KRTAP1-4: variants seen among roughly 807,000 people sequenced by gnomAD.
KRTAP1-4 encodes keratin associated protein 1-4.
In KRTAP1-4, 5 loss-of-function variants were observed where a neutral mutation model predicts 8.6. The ratio of observed to expected loss-of-function variants is 0.58; its 90% CI spans 0.30 to 1.23. The LOEUF (loss-of-function observed/expected upper bound fraction) is 1.23, where lower values mean the gene tolerates loss of function less well. Among genes scored for constraint, KRTAP1-4 ranks in the 50% most tolerant of loss-of-function variants. The pLI is 0.07. For missense variants in KRTAP1-4, 157 were observed against 160.7 expected (o/e 0.98, Z 0.12); for synonymous variants, 50 against 58.9 (o/e 0.85, Z 0.69).
In KRTAP1-4 at chr17:41,029,951, C is replaced by G. The variant is rs771049257; in HGVS notation, c.128G>C (p.Gly43Ala). The change falls in exon 1 of 1, where the codon GGT (glycine) becomes GCT (alanine). Residue 43 changes from glycine to alanine, a missense_variant. By Grantham distance (60) the Gly-to-Ala change is moderately conservative. Transcript: ENST00000377747. The part of the protein sequence containing the change: ...SSCGTGCGIG[G>A]GIGYGQEGSG... ...GCCCTCCTGGCCATAGCCAATGCCA[C>G]CACCAATGCCACAGCCGGTTCCGCA... 1 of 1,610,316 alleles carries G rather than the reference C, an allele frequency of 6.2e-7. No homozygotes were observed. The highest frequency in any genetic ancestry group is 1.7e-5 in the Admixed American group (1 of 59,490).
Position 41,029,878 on chromosome 17 carries a change from G to A in KRTAP1-4, c.201C>T (p.Cys67=), listed in dbSNP as rs2012414476. 1.9e-6 allele frequency: 3 copies of A among 1,606,914 alleles called. No individual in the cohort carries two copies. The highest frequency in any genetic ancestry group is 2.0e-4 in the Middle Eastern group (1 of 4,958). Residue 67 remains cysteine, a synonymous_variant, in exon 1 of 1, where the codon TGC becomes TGT. Transcript: ENST00000377747. Reference sequence around the variant, plus strand: ...GGGGCAGGCAGGTGCCCTCCACGTGGCAATCTGGGTGGCACCACCTGATAC... The same window carrying A: ...GGGGCAGGCAGGTGCCCTCCACGTGACAATCTGGGTGGCACCACCTGATAC... ...STRIRWCHPD[C]HVEGTCLPPC...
Position 41,029,529 on chromosome 17 carries a change from G to A in KRTAP1-4, c.*184C>T, listed in dbSNP as rs527270779. 6.6e-6 allele frequency among the ~76,000 whole-genome samples: 1 copy of A among 152,340 alleles called. No homozygotes were observed. Among genetic ancestry groups the A allele is most frequent in the South Asian group, 2.1e-4 (1 of 4,830 alleles). On this transcript the variant is annotated 3_prime_UTR_variant, in exon 1 of 1. Coordinates refer to ENST00000377747, the MANE Select transcript of KRTAP1-4 (RefSeq NM_001257305.2). ...ACGCAAGCTATCCAGAACACTGATTGATACATCTTTCAGTAAGTGAATTCG... is the reference window on the plus strand; with the variant it reads ...ACGCAAGCTATCCAGAACACTGATTAATACATCTTTCAGTAAGTGAATTCG...
In KRTAP1-4 at chr17:41,029,839, T is replaced by C. The variant is rs779107139; in HGVS notation, c.240A>G (p.Val80=). The C allele has an allele frequency of 2.5e-6, 4 of 1,610,786 alleles. No homozygotes were observed. Among genetic ancestry groups the C allele is most frequent in the Middle Eastern group, 1.9e-4 (1 of 5,154 alleles). The change falls in exon 1 of 1, where the codon GTA becomes GTG. Residue 80 remains valine, a synonymous_variant. Transcript: ENST00000377747. ...GGCAGCAGGATGGGGGTGTGCAGCT[T>C]ACCAGGTAGCAGGGGGGCAGGCAGG... ...EGTCLPPCYL[V]SCTPPSCCQL...
chr17:41,030,115 G>A lies in KRTAP1-4; in HGVS notation c.-37C>T, dbSNP rs755605130. The A allele has an allele frequency of 1.4e-5, 22 of 1,556,700 alleles. No individual in the cohort carries two copies. In the African/African-American group the frequency reaches 2.5e-4, roughly 17 times the overall value. ...TTGGGTTGAGAGCTGTGTTAAGAGA[G>A]GTTTCTGAGTTTGGGCTGTACCTTC... On this transcript the variant is annotated 5_prime_UTR_variant, in exon 1 of 1. Transcript: ENST00000377747.
In KRTAP1-4 at chr17:41,029,824, T is replaced by C; in HGVS notation, c.255A>G (p.Pro85=). The C allele has an allele frequency of 6.2e-7, 1 of 1,611,466 alleles. No individual in the cohort carries two copies. The highest frequency in any genetic ancestry group is 2.2e-5 in the East Asian group (1 of 44,858). The part of the protein sequence containing the change: ...PPCYLVSCTP[P]SCCQLHHAEA... ...CGGCGTGGTGCAGCTGGCAGCAGGATGGGGGTGTGCAGCTTACCAGGTAGC... is the reference window on the plus strand; with the variant it reads ...CGGCGTGGTGCAGCTGGCAGCAGGACGGGGGTGTGCAGCTTACCAGGTAGC... Residue 85 remains proline, a synonymous_variant, in exon 1 of 1, where the codon CCA becomes CCG. Coordinates refer to ENST00000377747, the MANE Select transcript of KRTAP1-4 (RefSeq NM_001257305.2).
rs542132508 is a variant in KRTAP1-4, at chr17:41,030,035, C to A, written c.44G>T (p.Cys15Phe). The A allele has an allele frequency of 1.6e-5, 25 of 1,607,904 alleles. No individual in the cohort carries two copies. The East Asian group carries it at 5.4e-4, about 35-fold the overall frequency. ...GCTAGTTTCACAGCAGCTTGGCTGG[C>A]AGCAGCTGGAGCCACAGGTCCCACT... is the stretch of plus-strand genomic sequence containing the variant. ...STSGTCGSSC[C>F]QPSCCETSCC... Residue 15 changes from cysteine (C) to phenylalanine (F), a missense_variant, in exon 1 of 1, where the codon TGC becomes TTC. By Grantham distance (205) the Cys-to-Phe change is radical (BLOSUM62 -2). Transcript: ENST00000377747.
rs1454358126 is a variant in KRTAP1-4 at position 41,029,682 on chromosome 17, T to C, written c.*31A>G. ...CAGCACAATTTTGCTGTGCTTCCCCTTTCATTCTTAAGCGATCAGCAACCT... is the reference window on the plus strand; with the variant it reads ...CAGCACAATTTTGCTGTGCTTCCCCCTTCATTCTTAAGCGATCAGCAACCT... On this transcript the variant is annotated 3_prime_UTR_variant, in exon 1 of 1. Coordinates refer to ENST00000377747, the MANE Select transcript of KRTAP1-4 (RefSeq NM_001257305.2). 6.6e-7 allele frequency: 1 copy of C among 1,508,250 alleles called. No individual in the cohort carries two copies. The highest frequency in any genetic ancestry group is 2.3e-5 in the East Asian group (1 of 43,758). 93.4% of individuals were successfully genotyped at this position (1,508,250 alleles called of 1,614,324 possible).
At position 41,030,145 on chromosome 17, in the gene KRTAP1-4, T is replaced by G. The variant is rs577627198; in HGVS notation, c.-67A>C. The G allele has an allele frequency of 1.3e-6, 2 of 1,540,398 alleles. No individual in the cohort carries two copies. The highest frequency in any genetic ancestry group is 1.8e-6 in the Non-Finnish European group (2 of 1,139,718). ...CTGAGTTTGGGCTGTACCTTCTATA[T>G]CTGTCCTTTGATATGTTCCCTAGAG... On this transcript the variant is annotated 5_prime_UTR_variant, in exon 1 of 1. Transcript: ENST00000377747.
In KRTAP1-4 at chr17:41,029,625, A is replaced by G; in HGVS notation, c.*88T>C. The G allele has an allele frequency of 6.9e-7, 1 of 1,440,768 alleles. No individual in the cohort carries two copies. Among genetic ancestry groups the G allele is most frequent in the Non-Finnish European group, 9.2e-7 (1 of 1,089,372 alleles). 89.2% of individuals were successfully genotyped at this position (1,440,768 alleles called of 1,614,324 possible). ...GCTTAACAACATCATGGTACTTAGC[A>G]TCCAAGTAAAATCGAACAGTTCTTC... On this transcript the variant is annotated 3_prime_UTR_variant, in exon 1 of 1. Transcript: ENST00000377747.
rs2012405102 is a variant in KRTAP1-4, at chr17:41,029,663, A to G, written c.*50T>C. On this transcript the variant is annotated 3_prime_UTR_variant, in exon 1 of 1. Transcript: ENST00000377747. ...CGAACAGTTCTTCAGAAATCAGCACAATTTTGCTGTGCTTCCCCTTTCATT... is the reference window on the plus strand; with the variant it reads ...CGAACAGTTCTTCAGAAATCAGCACGATTTTGCTGTGCTTCCCCTTTCATT... 4 of 1,481,934 alleles carry G rather than the reference A, an allele frequency of 2.7e-6. No individual in the cohort carries two copies. The Admixed American group carries it at 1.1e-4, about 39-fold the overall frequency. 91.8% of individuals were successfully genotyped at this position (1,481,934 alleles called of 1,614,324 possible). A position where few individuals can be genotyped will look rare whatever the true frequency, so the allele number is the denominator to read the frequency against.
chr17:41,029,969 G>A lies in KRTAP1-4; in HGVS notation c.110C>T (p.Thr37Ile). ...AATGCCACCACCAATGCCACAGCCG[G>A]TTCCGCAGGAGCTGGTCTGGCAGCA... ...PSCCQTSSCGTGCGIGGGIGY... is the reference protein window; with the variant it reads ...PSCCQTSSCGIGCGIGGGIGY... The change falls in exon 1 of 1, where the codon ACC becomes ATC. Residue 37 changes from threonine (T) to isoleucine (I), a missense_variant. Thr to Ile is a moderately conservative substitution (Grantham distance 89). Coordinates refer to ENST00000377747, the MANE Select transcript of KRTAP1-4 (RefSeq NM_001257305.2). The A allele has an allele frequency of 1.9e-6, 3 of 1,611,748 alleles. No homozygotes were observed. Among genetic ancestry groups the A allele is most frequent in the South Asian group, 1.1e-5 (1 of 90,592 alleles).
At position 41,029,802 on chromosome 17, in the gene KRTAP1-4, C is replaced by T. The variant is rs139871742; in HGVS notation, c.277G>A (p.Ala93Thr). The change falls in exon 1 of 1, where the codon GCC (alanine) becomes ACC (threonine). Residue 93 changes from alanine (A) to threonine (T), a missense_variant. Physicochemically the swap from Ala to Thr is moderately conservative, Grantham distance 58. Transcript: ENST00000377747. ...TPPSCCQLHHAEASCCRPSYC... is the reference protein window; with the variant it reads ...TPPSCCQLHHTEASCCRPSYC... ...GACGGGCGGCAGCAGGAGGCCTCGG[C>T]GTGGTGCAGCTGGCAGCAGGATGGG... The T allele has an allele frequency of 1.9e-4, 308 of 1,609,402 alleles. 1 individual carries two copies. Among genetic ancestry groups the T allele is most frequent in the Non-Finnish European group, 2.4e-4 (279 of 1,177,962 alleles).
chr17:41,030,159 T>C lies in KRTAP1-4; in HGVS notation c.-81A>G. 6.5e-7 allele frequency: 1 copy of C among 1,528,186 alleles called. No individual in the cohort carries two copies. The highest frequency in any genetic ancestry group is 1.2e-5 in the South Asian group (1 of 81,264). 94.7% of individuals were successfully genotyped at this position (1,528,186 alleles called of 1,614,324 possible). The stretch of plus-strand genomic sequence containing the variant: ...TACCTTCTATATCTGTCCTTTGATA[T>C]GTTCCCTAGAGCTGCATATTTACCC... On this transcript the variant is annotated 5_prime_UTR_variant, in exon 1 of 1. Transcript: ENST00000377747.
At position 41,029,462 on chromosome 17, in the gene KRTAP1-4, C is replaced by A. The variant is rs2012401314; in HGVS notation, c.*251G>T. 6.6e-6 allele frequency among the ~76,000 whole-genome samples: 1 copy of A among 152,198 alleles called. No individual in the cohort carries two copies. The highest frequency in any genetic ancestry group is 1.5e-5 in the Non-Finnish European group (1 of 68,044). On this transcript the variant is annotated 3_prime_UTR_variant, in exon 1 of 1. Transcript: ENST00000377747. ...GAGAGTTGGGGGAGCAGAGATGTCA[C>A]TGAAATGATGAACTATTCCATCCTG... is the stretch of plus-strand genomic sequence containing the variant.
chr17:41,029,660 C>A lies in KRTAP1-4; in HGVS notation c.*53G>T. ...AATCGAACAGTTCTTCAGAAATCAG[C>A]ACAATTTTGCTGTGCTTCCCCTTTC... On this transcript the variant is annotated 3_prime_UTR_variant, in exon 1 of 1. Transcript: ENST00000377747. 1 of 1,477,998 alleles carries A rather than the reference C, an allele frequency of 6.8e-7. No homozygotes were observed. 91.6% of individuals were successfully genotyped at this position (1,477,998 alleles called of 1,614,324 possible).
rs570061915 is a variant in KRTAP1-4, at chr17:41,029,829, G to C, written c.250C>G (p.Pro84Ala). The C allele has an allele frequency of 1.9e-6, 3 of 1,611,226 alleles. No individual in the cohort carries two copies. Among genetic ancestry groups the C allele is most frequent in the African/African-American group, 2.7e-5 (2 of 74,894 alleles). The stretch of plus-strand genomic sequence containing the variant: ...TGGTGCAGCTGGCAGCAGGATGGGG[G>C]TGTGCAGCTTACCAGGTAGCAGGGG... ...LPPCYLVSCT[P>A]PSCCQLHHAE... is the part of the protein sequence containing the mutation. Residue 84 changes from proline to alanine, a missense_variant, in exon 1 of 1, where the codon CCC becomes GCC. Coordinates refer to ENST00000377747, the MANE Select transcript of KRTAP1-4 (RefSeq NM_001257305.2).
chr17:41,029,612 C>G lies in KRTAP1-4; in HGVS notation c.*101G>C. The stretch of plus-strand genomic sequence containing the variant: ...TTATCTCTGAGCAGCTTAACAACAT[C>G]ATGGTACTTAGCATCCAAGTAAAAT... On this transcript the variant is annotated 3_prime_UTR_variant, in exon 1 of 1. Transcript: ENST00000377747. 7.0e-7 allele frequency: 1 copy of G among 1,428,068 alleles called. No homozygotes were observed. The highest frequency in any genetic ancestry group is 9.3e-7 in the Non-Finnish European group (1 of 1,079,042). 88.5% of individuals were successfully genotyped at this position (1,428,068 alleles called of 1,614,324 possible).
rs1161290109 is a variant in KRTAP1-4, at chr17:41,029,388, CAG to C, written c.*323_*324del. ...ATTAAAACATTTTATTTGGATTAAT[CAG>C]AGATATTCAAGGAAAAACCAGGTCT... On this transcript the variant is annotated 3_prime_UTR_variant, in exon 1 of 1. Transcript: ENST00000377747. 6.6e-6 allele frequency among the ~76,000 whole-genome samples: 1 copy of C among 152,168 alleles called. No homozygotes were observed. Among genetic ancestry groups the C allele is most frequent in the Non-Finnish European group, 1.5e-5 (1 of 68,034 alleles).
Position 41,029,810 on chromosome 17 carries a change from A to C in KRTAP1-4, c.269T>G (p.Leu90Arg). ...VSCTPPSCCQ[L>R]HHAEASCCRP... The stretch of plus-strand genomic sequence containing the variant: ...GCAGCAGGAGGCCTCGGCGTGGTGC[A>C]GCTGGCAGCAGGATGGGGGTGTGCA... Residue 90 changes from leucine (L) to arginine (R), a missense_variant, in exon 1 of 1, where the codon CTG becomes CGG. By Grantham distance (102) the Leu-to-Arg change is moderately radical. Transcript: ENST00000377747. 5 of 1,610,970 alleles carry C rather than the reference A, an allele frequency of 3.1e-6. No homozygotes were observed. The highest frequency in any genetic ancestry group is 4.2e-6 in the Non-Finnish European group (5 of 1,178,770).
Sources: allele counts gnomAD v4.1 joint callset (sites outside exome capture counted in the v4.1 genomes callset), GRCh38; gene constraint gnomAD v4.1.1; transcripts MANE v1.5; gene names NCBI Gene and HGNC (gene_info 2026-07-23, HGNC 2026-07-21).